Variants in RNF212B observed in about 807,000 individuals in gnomAD.
The protein encoded by RNF212B is ring finger protein 212B.
RNF212B carries 52 observed loss-of-function variants against 55.5 expected under a neutral mutation model. That is an observed-to-expected ratio of 0.94 (90% confidence interval 0.75 to 1.18). The LOEUF is 1.18. Ranked by LOEUF, RNF212B falls within the 50% of genes most tolerant of loss-of-function variation. The pLI is 0.00. For synonymous variants in RNF212B, 99 were observed against 121.4 expected (o/e 0.82, Z 1.21); for missense variants, 289 against 350.4 (o/e 0.82, Z 1.40).
intron 2 of RNF212B, among the ~76,000 whole-genome samples, chr14:23,215,580 C>T (rs1880981893): frequency 6.6e-6 from 1 of 152,124 alleles, no homozygotes; most frequent in Non-Finnish European, 1.5e-5. Context: ...CAACATTCTT[C>T]AAGTGCTGAA....
chr14:23,197,135 T>A (rs1878798309), intron 2 of RNF212B, among the ~76,000 whole-genome samples: 1 of 152,308 alleles, frequency 6.6e-6, no homozygotes, highest in Non-Finnish European at 1.5e-5. Flanking sequence ...ATATATGGTA[T>A]CCCTAGCCCA....
upstream of RNF212B, among the ~76,000 whole-genome samples, chr14:23,235,384 G>A (rs1342831484): frequency 6.6e-6 from 1 of 152,092 alleles, no homozygotes; most frequent in Non-Finnish European, 1.5e-5. Flanking sequence ...AACTATTTAT[G>A]GAATAGTTTG....
chr14:23,268,137 C>T (rs1476244408), intron 11 of RNF212B, among the ~76,000 whole-genome samples: 1 of 152,122 alleles, frequency 6.6e-6, no homozygotes, highest in Non-Finnish European at 1.5e-5. Flanking sequence ...AGCTCCAAGT[C>T]CTGGTGAACT....
chr14:23,263,070 A>C, intron 9 of RNF212B, 100 bp downstream of exon 9: 1 of 1,080,590 alleles, frequency 9.3e-7, no homozygotes, highest in Non-Finnish European at 1.4e-6. Context: ...TTTTAGGTCT[A>C]TGTAGAAGTT....
intron 4 of RNF212B, among the ~76,000 whole-genome samples, chr14:23,257,107 C>G (rs28368866): frequency 6.6e-6 from 1 of 151,818 alleles, no homozygotes; most frequent in Non-Finnish European, 1.5e-5. Flanking sequence ...GAGCTGAGAT[C>G]GTGCCATTGC....
chr14:23,226,029 G>T (rs1033525914), intron 2 of RNF212B, among the ~76,000 whole-genome samples: 1 of 152,046 alleles, frequency 6.6e-6, no homozygotes, highest in Non-Finnish European at 1.5e-5. Flanking sequence ...GCTGGGCGCG[G>T]TGGCTCACGC....
At chr14:23,259,986 C>A (rs1318130110) in intron 6 of RNF212B, 42 bp downstream of exon 6, 6 of 983,360 alleles carry the variant, frequency 6.1e-6, no homozygotes, top group Non-Finnish European at 9.0e-6. Flanking sequence ...TTCTCTCTTA[C>A]TTTTCTCATC....
At chr14:23,231,611 C>CCCCCTCA (rs1882615690) in intron 2 of RNF212B, among the ~76,000 whole-genome samples, 1 of 151,796 alleles carries the variant, frequency 6.6e-6, no homozygotes, top group African/African-American at 2.4e-5. Flanking sequence ...TTAAAGAGCT[C>CCCCCTCA]CCCCTCTCCC....
chr14:23,240,268 G>A (rs1032040727), intron 1 of RNF212B, 77 bp from the exon 2 acceptor site: 33 of 955,430 alleles, frequency 3.5e-5, no homozygotes, highest in Middle Eastern at 2.1e-4. Flanking sequence ...AAGCAAGCAC[G>A]GTTACATAGA....
chr14:23,254,323 AAC>A (rs1404557675), intron 4 of RNF212B, among the ~76,000 whole-genome samples: 13 of 143,666 alleles, frequency 9.0e-5, no homozygotes, highest in African/African-American at 3.0e-4. Context: ...AAAACAAAAA[AAC>A]AAAAACAAAA....
intron 2 of RNF212B, among the ~76,000 whole-genome samples, chr14:23,232,594 T>A (rs1199563804): frequency 7.7e-6 from 1 of 130,036 alleles, no homozygotes; most frequent in South Asian, 2.6e-4. Context: ...CGGGAGGGAG[T>A]TGGGGGGTCA....
At chr14:23,239,138 A>T (rs1359755069) in intron 1 of RNF212B, among the ~76,000 whole-genome samples, 1 of 152,066 alleles carries the variant, frequency 6.6e-6, no homozygotes, top group African/African-American at 2.4e-5. Flanking sequence ...ATCTTGGCTC[A>T]CTGCAACCTC....
intron 4 of RNF212B, among the ~76,000 whole-genome samples, chr14:23,252,610 G>A (rs1372801667): frequency 6.6e-6 from 1 of 152,108 alleles, no homozygotes; most frequent in Non-Finnish European, 1.5e-5. Flanking sequence ...GAGGCTAGAG[G>A]TTTTTAAAGG....
At chr14:23,198,214 C>T (rs1301819030) in intron 2 of RNF212B, among the ~76,000 whole-genome samples, 1 of 152,176 alleles carries the variant, frequency 6.6e-6, no homozygotes, top group African/African-American at 2.4e-5. Context: ...AAAATAACTA[C>T]AGACATCATG....
chr14:23,252,085 A>AG (rs1884454654), intron 4 of RNF212B, among the ~76,000 whole-genome samples: 1 of 139,958 alleles, frequency 7.1e-6, no homozygotes, highest in Admixed American at 7.1e-5. Context: ...TCTGATTGTC[A>AG]GGGGTTGGGG....
chr14:23,213,181 CAG>C (rs1307559479), intron 2 of RNF212B, among the ~76,000 whole-genome samples: 2 of 151,840 alleles, frequency 1.3e-5, no homozygotes, highest in Admixed American at 1.3e-4. Flanking sequence ...GGCGTGGTGG[CAG>C]GCGCCTGTAG....
rs534953143 is a variant in RNF212B, at chr14:23,229,995, C to T, written c.-1-10350C>T. On this transcript the variant is annotated intron_variant, in intron 2 of 15. Transcript: ENST00000399910. ...CAGCTTGAATCTTCTCCAATGTCTC[C>T]TTTTAAAGTTGTACCTGATTTTATT... 11 of 208,298 alleles carry T rather than the reference C, an allele frequency of 5.3e-5. 1 individual carries two copies. The South Asian group carries it at 9.6e-4, about 18-fold the overall frequency. 12.9% of individuals were successfully genotyped at this position (208,298 alleles called of 1,614,324 possible).
chr14:23,243,081 T>C (rs1192912178), intron 2 of RNF212B, among the ~76,000 whole-genome samples, 175 bp from the exon 3 acceptor site: 1 of 151,484 alleles, frequency 6.6e-6, no homozygotes, highest in Non-Finnish European at 1.5e-5. Flanking sequence ...AACACTTGTT[T>C]AGAGAACAGA....
chr14:23,258,423 G>A (rs547757014), intron 4 of RNF212B, 126 bp from the exon 5 acceptor site: 4 of 437,834 alleles, frequency 9.1e-6, no homozygotes, highest in African/African-American at 6.2e-5. Flanking sequence ...TTGTGAATTA[G>A]GCCAGATGTT....
Sources: allele counts gnomAD v4.1 joint callset (sites outside exome capture counted in the v4.1 genomes callset), GRCh38; gene constraint gnomAD v4.1.1; transcripts MANE v1.5; gene names NCBI Gene and HGNC (gene_info 2026-07-23, HGNC 2026-07-21).